The following STAT3 variants were observed in gnomAD, a reference collection of about 807,000 sequenced individuals.
The protein encoded by STAT3 is signal transducer and activator of transcription 3.
Under a neutral mutation model 114.3 loss-of-function variants are expected in STAT3, and 7 were observed. The ratio of observed to expected loss-of-function variants is 0.06; its 90% CI spans 0.03 to 0.11. STAT3 has a LOEUF of 0.11. Ranked by LOEUF, STAT3 falls within the 10% of genes least tolerant of loss-of-function variation. The pLI, the probability that STAT3 is intolerant of heterozygous loss-of-function variation, is 1.00. For synonymous variants in STAT3, 331 were observed against 354.5 expected, an observed-to-expected ratio of 0.93 and a Z score of 0.74; for missense variants, 364 against 960.9, an observed-to-expected ratio of 0.38 and a Z score of 8.21.
chr17:42,349,808 G>C (rs1246805987), intron 1 of STAT3, among the ~76,000 whole-genome samples: 1 of 152,238 alleles, frequency 6.6e-6, no homozygotes. Flanking sequence ...TGTAATCCCA[G>C]CACTTTGGGA....
rs143156416 is a variant in STAT3 at position 42,337,322 on chromosome 17, T to G, written c.797+113A>C. 3.9e-5 allele frequency: 56 copies of G among 1,450,614 alleles called. No homozygotes were observed. The African/African-American group carries it at 7.8e-4, about 20-fold the overall frequency. 89.9% of individuals were successfully genotyped at this position (1,450,614 alleles called of 1,614,324 possible). A position where few individuals can be genotyped will look rare whatever the true frequency, so the allele number is the denominator to read the frequency against. On this transcript the variant is annotated intron_variant, in intron 8 of 23. Transcript: ENST00000264657. The surrounding 1 kb of genome is among the most constrained non-coding windows in gnomAD (Gnocchi z 4.0). ...CTTTAATTCTTGGGCTAAATTTGAA[T>G]ATGGAAAAGTCCCCACGTTGGAGAT...
chr17:42,325,329 C>G (rs2081658178), intron 15 of STAT3, among the ~76,000 whole-genome samples: 1 of 152,128 alleles, frequency 6.6e-6, no homozygotes, highest in Non-Finnish European at 1.5e-5. Flanking sequence ...ACTCACAATC[C>G]ACAGATTCCC....
chr17:42,325,238 G>T, intron 15 of STAT3, 177 bp from the exon 16 acceptor site: 1 of 618,396 alleles, frequency 1.6e-6, no homozygotes, highest in Non-Finnish European at 2.9e-6. Context: ...ATAGTGGAAA[G>T]AATGCCCAGC....
chr17:42,359,783 G>A lies in STAT3; in HGVS notation c.-23-11244C>T, dbSNP rs1020901581. On this transcript the variant is annotated intron_variant, in intron 1 of 23. Transcript: ENST00000264657. ...GCACAGAATTTTAAGTGATTTGGCC[G>A]GGTGCGGTGGCTCACGCCTGTAATC... Among the ~76,000 whole-genome samples, 14 of 152,106 alleles carry A rather than the reference G, an allele frequency of 9.2e-5. No homozygotes were observed. In the East Asian group the frequency reaches 1.2e-3, roughly 13 times the overall value.
At chr17:42,327,271 CTTGTT>C (rs1437189894) in intron 14 of STAT3, among the ~76,000 whole-genome samples, 3 of 150,768 alleles carry the variant, frequency 2.0e-5, no homozygotes, top group South Asian at 4.3e-4. Flanking sequence ...CCCTTTTTGT[CTTGTT>C]TTGTTTTGTT....
chr17:42,346,195 A>G (rs1819643046), intron 3 of STAT3, among the ~76,000 whole-genome samples: 1 of 152,126 alleles, frequency 6.6e-6, no homozygotes, highest in Admixed American at 6.5e-5. Flanking sequence ...GAGTCTTTAC[A>G]CAGTATACTA....
At chr17:42,370,716 C>CT (rs2145251683) in intron 1 of STAT3, among the ~76,000 whole-genome samples, 1 of 152,116 alleles carries the variant, frequency 6.6e-6, no homozygotes, top group African/African-American at 2.4e-5. Flanking sequence ...CAACCTCCGC[C>CT]TCCCAAGTTC....
At chr17:42,343,169 C>CAA (rs200877459) in intron 4 of STAT3, among the ~76,000 whole-genome samples, 22 of 62,688 alleles carry the variant, frequency 3.5e-4, no homozygotes, top group African/African-American at 6.0e-4. Context: ...GAGACTGTCT[C>CAA]AAAAAAAAAA....
intron 1 of STAT3, among the ~76,000 whole-genome samples, chr17:42,374,718 C>T (rs2084360490): frequency 6.6e-6 from 1 of 151,554 alleles, no homozygotes; most frequent in Non-Finnish European, 1.5e-5. Flanking sequence ...AATGTAACAA[C>T]CCTATCAAGT....
At chr17:42,359,581 C>T (rs911733397) in intron 1 of STAT3, among the ~76,000 whole-genome samples, 2 of 152,058 alleles carry the variant, frequency 1.3e-5, no homozygotes, top group South Asian at 2.1e-4. Context: ...AAATAAGAAC[C>T]TTGGTTAAAG....
chr17:42,323,604 C>A lies in STAT3; in HGVS notation c.1622G>T (p.Gly541Val). 2 of 1,610,954 alleles carry A rather than the reference C, an allele frequency of 1.2e-6. No individual in the cohort carries two copies. Among genetic ancestry groups the A allele is most frequent in the Non-Finnish European group, 1.7e-6 (2 of 1,179,874 alleles). Residue 541 changes from glycine to valine, a missense_variant, in exon 18 of 24, where the codon GGG (glycine) becomes GTG (valine). Gly to Val is a moderately radical substitution (Grantham distance 109). This residue lies in a region of STAT3 where 294 missense variants were observed against 745.1 expected (regional missense o/e 0.39). Transcript: ENST00000264657. ...KLLGPGVNYS[G>V]CQITWAKFCK... ...AAATTTAGCCCATGTGATCTGACAC[C>A]CTGAATAATTCACACCAGGTCCTGA...
chr17:42,322,497 G>A lies in STAT3; in HGVS notation c.1889-3C>T, dbSNP rs2144684450. The A allele has an allele frequency of 6.2e-7, 1 of 1,614,166 alleles. No individual in the cohort carries two copies. On this transcript the variant is annotated splice_region_variant and splice_polypyrimidine_tract_variant and intron_variant, in intron 20 of 23. Transcript: ENST00000264657. ...CACGGACTGGATCTGGGTCTTACCT[G>A]TCACAGGACATGGGAAGGAAAGATC...
In STAT3 at chr17:42,323,544, T is replaced by G. The variant is rs1199696144; in HGVS notation, c.1653+29A>C. On this transcript the variant is annotated intron_variant, in intron 18 of 23. Transcript: ENST00000264657. Reference sequence around the variant, plus strand: ...CAGCCGTGCAGGTGAGCATTCCCATTCCCACGAGAATTTAACAAGATTGCT... The same window carrying G: ...CAGCCGTGCAGGTGAGCATTCCCATGCCCACGAGAATTTAACAAGATTGCT... 3 of 1,612,902 alleles carry G rather than the reference T, an allele frequency of 1.9e-6. No individual in the cohort carries two copies. The African/African-American group carries it at 4.0e-5, about 22-fold the overall frequency.
chr17:42,380,463 C>T (rs1200308566), intron 1 of STAT3, among the ~76,000 whole-genome samples: 3 of 152,076 alleles, frequency 2.0e-5, no homozygotes, highest in African/African-American at 7.2e-5. Flanking sequence ...CGGTTCACCG[C>T]AACCTCCGCC....
intron 1 of STAT3, chr17:42,387,558 C>A (rs558256929): frequency 8.5e-5 from 13 of 152,264 alleles, no homozygotes; most frequent in African/African-American, 2.6e-4. Context: ...ATTTCTCTCT[C>A]TAGAGCTGGC....
chr17:42,323,744 C>T, intron 17 of STAT3, 119 bp from the exon 18 acceptor site: 1 of 967,818 alleles, frequency 1.0e-6, no homozygotes, highest in South Asian at 1.4e-5. Flanking sequence ...TCAGCTTTCA[C>T]ATCTTTGAAG....
intron 4 of STAT3, among the ~76,000 whole-genome samples, chr17:42,343,508 G>A (rs1369637956): frequency 7.2e-6 from 1 of 138,394 alleles, no homozygotes; most frequent in Non-Finnish European, 1.5e-5. Flanking sequence ...GCCCAGGAGT[G>A]CAGTGGCGCA....
chr17:42,360,717 C>T (rs1245654084), intron 1 of STAT3, among the ~76,000 whole-genome samples: 1 of 151,518 alleles, frequency 6.6e-6, no homozygotes, highest in Admixed American at 6.6e-5. Flanking sequence ...CCAATGTGAT[C>T]TTATGGTATT....
At chr17:42,369,797 TAC>T (rs2084006633) in intron 1 of STAT3, among the ~76,000 whole-genome samples, 1 of 152,094 alleles carries the variant, frequency 6.6e-6, no homozygotes, top group East Asian at 1.9e-4. Context: ...TAGCTAGGAC[TAC>T]AGGTACATGC....
Sources: allele counts gnomAD v4.1 joint callset (sites outside exome capture counted in the v4.1 genomes callset), GRCh38; gene constraint gnomAD v4.1.1; regional missense constraint gnomAD v4.1.1; non-coding constraint Gnocchi (gnomAD v3.1); transcripts MANE v1.5; gene names NCBI Gene and HGNC (gene_info 2026-07-23, HGNC 2026-07-21).